Variants in MIPOL1 observed in about 807,000 individuals in gnomAD.
MIPOL1 encodes the protein mirror-image polydactyly gene 1 protein.
Under a neutral mutation model 60.9 loss-of-function variants are expected in MIPOL1, and 57 were observed. That is an observed-to-expected ratio of 0.94 (90% CI 0.76 to 1.17). The LOEUF is 1.17. Ranked by LOEUF, MIPOL1 falls within the 50% of genes most tolerant of loss-of-function variation. The pLI, the probability that MIPOL1 is intolerant of heterozygous loss-of-function variation, is 0.00. For synonymous variants in MIPOL1, 179 were observed against 168.8 expected (o/e 1.06, Z -0.47); for missense variants, 551 against 511.6 (o/e 1.08, Z -0.74).
intron 7 of MIPOL1, among the ~76,000 whole-genome samples, chr14:37,298,732 T>A (rs1405885542): frequency 1.3e-5 from 2 of 151,812 alleles, no homozygotes; most frequent in East Asian, 3.9e-4. Context: ...TAAATGCAAA[T>A]CAAAACCACA....
At chr14:37,357,391 C>T (rs1268748651) in intron 9 of MIPOL1, among the ~76,000 whole-genome samples, 1 of 151,230 alleles carries the variant, frequency 6.6e-6, no homozygotes, top group Non-Finnish European at 1.5e-5. Context: ...CCTTTTCACC[C>T]TTTTTCCACA....
At chr14:37,198,871 A>G (rs867848105) in intron 1 of MIPOL1, among the ~76,000 whole-genome samples, 1 of 152,204 alleles carries the variant, frequency 6.6e-6, no homozygotes, top group South Asian at 2.1e-4. Flanking sequence ...TACTATCACA[A>G]ATTATTGGCG....
chr14:37,329,502 T>G (rs1212932960), intron 9 of MIPOL1, among the ~76,000 whole-genome samples: 7 of 152,200 alleles, frequency 4.6e-5, no homozygotes, highest in Non-Finnish European at 4.4e-5. Flanking sequence ...AGTTTTAGCC[T>G]TGTTGTAATC....
chr14:37,528,819 G>T (rs888784854), intron 12 of MIPOL1, among the ~76,000 whole-genome samples: 4 of 152,128 alleles, frequency 2.6e-5, no homozygotes, highest in African/African-American at 9.7e-5. Context: ...GCTGAAAAAG[G>T]CAGTGTGTGT....
intron 10 of MIPOL1, chr14:37,370,014 A>G (rs1251924167): frequency 6.6e-6 from 1 of 152,588 alleles, no homozygotes; most frequent in Non-Finnish European, 1.5e-5. Context: ...TAATATTCAC[A>G]GAACTGACAG....
intron 1 of MIPOL1, among the ~76,000 whole-genome samples, chr14:37,226,559 G>T (rs1381712654): frequency 2.6e-5 from 4 of 152,174 alleles, no homozygotes; most frequent in Non-Finnish European, 4.4e-5. Context: ...CCCACGATTC[G>T]ATTTTCTCCC....
intron 7 of MIPOL1, among the ~76,000 whole-genome samples, chr14:37,292,083 G>A (rs192031410): frequency 1.3e-5 from 2 of 151,736 alleles, no homozygotes; most frequent in African/African-American, 2.4e-5. Flanking sequence ...CTGCCACCAT[G>A]CCCGGCTTAT....
rs145888655 is a variant in MIPOL1 at position 37,358,464 on chromosome 14, G to T, written c.829-11053G>T. On this transcript the variant is annotated intron_variant, in intron 9 of 12. Transcript: ENST00000684589. ...ATTTACACTCCCACCAAGTGTAAAAGCGTTCCTATTTCTCCACATCCTCTC... is the reference window on the plus strand; with the variant it reads ...ATTTACACTCCCACCAAGTGTAAAATCGTTCCTATTTCTCCACATCCTCTC... Among the ~76,000 whole-genome samples, 774 of 152,276 alleles carry T rather than the reference G, an allele frequency of 5.1e-3. 5 individuals are homozygous for T. The highest frequency in any genetic ancestry group is 0.017 in the African/African-American group (727 of 41,552).
At chr14:37,353,147 G>T (rs1363367616) in intron 9 of MIPOL1, among the ~76,000 whole-genome samples, 3 of 143,658 alleles carry the variant, frequency 2.1e-5, no homozygotes, top group African/African-American at 7.8e-5. Flanking sequence ...GGCTTTTTCT[G>T]CATCTATTGA....
chr14:37,452,218 A>G (rs1442035914), intron 11 of MIPOL1, among the ~76,000 whole-genome samples: 4 of 152,182 alleles, frequency 2.6e-5, no homozygotes, highest in Non-Finnish European at 1.5e-5. Flanking sequence ...CCTAATAACA[A>G]AGTGTGAAAT....
chr14:37,470,545 T>A (rs2094671055), intron 11 of MIPOL1, among the ~76,000 whole-genome samples: 1 of 152,138 alleles, frequency 6.6e-6, no homozygotes, highest in South Asian at 2.1e-4. Context: ...TCCCTTCACC[T>A]TTCGTCATGC....
rs1379313162 is a variant in MIPOL1, at chr14:37,550,954, A to G, written c.*3983A>G. ...TTATTATATATTTTAGTGTAAGTTA[A>G]GTTAAACTTCTAAAAGTTGAATTAT... On this transcript the variant is annotated 3_prime_UTR_variant, in exon 13 of 13. Transcript: ENST00000684589. The G allele has an allele frequency of 6.6e-6, 1 of 152,152 alleles. No individual in the cohort carries two copies. The highest frequency in any genetic ancestry group is 1.9e-4 in the East Asian group (1 of 5,200). 9.4% of individuals were successfully genotyped at this position (152,152 alleles called of 1,614,324 possible). A position where few individuals can be genotyped will look rare whatever the true frequency, so the allele number is the denominator to read the frequency against.
chr14:37,298,632 G>A lies in MIPOL1; in HGVS notation c.624-9424G>A, dbSNP rs544006264. 1.2e-3 allele frequency among the ~76,000 whole-genome samples: 190 copies of A among 152,272 alleles called. 4 individuals are homozygous for A. The highest frequency in any genetic ancestry group is 3.3e-3 in the South Asian group (16 of 4,816). On this transcript the variant is annotated intron_variant, in intron 7 of 12. Transcript: ENST00000684589. ...AAAAAACAACCCCATCAAAAAGTGG[G>A]CGAAGGATCCGAACAGACACTTCTC...
intron 11 of MIPOL1, among the ~76,000 whole-genome samples, chr14:37,453,822 CTTTTATTTA>C (rs2094448783): frequency 1.3e-5 from 2 of 152,134 alleles, no homozygotes. Context: ...CAGATGCATT[CTTTTATTTA>C]TTGAAATTAT....
At chr14:37,403,006 T>C (rs2153531534) in intron 10 of MIPOL1, among the ~76,000 whole-genome samples, 1 of 152,312 alleles carries the variant, frequency 6.6e-6, no homozygotes, top group South Asian at 2.1e-4. Flanking sequence ...AGAAGCACGA[T>C]TAGCTGTTAC....
intron 11 of MIPOL1, chr14:37,423,491 C>A (rs2093911069): frequency 6.6e-6 from 1 of 151,618 alleles, no homozygotes; most frequent in African/African-American, 2.4e-5. Context: ...TGTCAGAATG[C>A]ATCTCTTATA....
At chr14:37,504,645 G>C (rs377743838) in intron 12 of MIPOL1, 2 of 152,290 alleles carry the variant, frequency 1.3e-5, no homozygotes, top group East Asian at 3.9e-4. Context: ...ATGCCCACAA[G>C]AGAAAGCAAG....
intron 11 of MIPOL1, among the ~76,000 whole-genome samples, chr14:37,443,352 G>T (rs901810602): frequency 6.6e-6 from 1 of 151,098 alleles, no homozygotes; most frequent in African/African-American, 2.4e-5. Context: ...CCAGCTACTG[G>T]GGAGGCTGAA....
At chr14:37,536,565 A>G (rs1475411322) in intron 12 of MIPOL1, among the ~76,000 whole-genome samples, 1 of 152,204 alleles carries the variant, frequency 6.6e-6, no homozygotes, top group Non-Finnish European at 1.5e-5. Context: ...TAGATTCTTG[A>G]TGGGAAATGA....
Sources: allele counts gnomAD v4.1 joint callset (sites outside exome capture counted in the v4.1 genomes callset), GRCh38; gene constraint gnomAD v4.1.1; transcripts MANE v1.5; gene names NCBI Gene and HGNC (gene_info 2026-07-23, HGNC 2026-07-21).